Variants in PPP2R2B observed in about 807,000 individuals in gnomAD.
PPP2R2B encodes serine/threonine-protein phosphatase 2A 55 kDa regulatory subunit B beta isoform.
PPP2R2B carries 5 observed loss-of-function variants against 46.0 expected under a neutral mutation model. The ratio of observed to expected loss-of-function variants is 0.11; its 90% confidence interval spans 0.06 to 0.23. The LOEUF (loss-of-function observed/expected upper bound fraction) is 0.23. Among genes scored for constraint, PPP2R2B ranks in the 10% least tolerant of loss-of-function variants. The probability of loss-of-function intolerance (pLI) is 1.00; values close to 1 mark genes in which losing one functional copy is unlikely to be tolerated. For synonymous variants in PPP2R2B, 215 were observed against 206.7 expected (o/e 1.04, Z -0.34); for missense variants, 367 against 575.0 (o/e 0.64, Z 3.70).
At chr5:146,892,218 G>A (rs1254191953) in intron 1 of PPP2R2B, among the ~76,000 whole-genome samples, 1 of 152,184 alleles carries the variant, frequency 6.6e-6, no homozygotes. Flanking sequence ...AAGAGCAAAG[G>A]TCAATTCTGC....
intron 2 of PPP2R2B, among the ~76,000 whole-genome samples, chr5:146,849,948 A>G (rs1358330774): frequency 6.6e-6 from 1 of 152,192 alleles, no homozygotes; most frequent in African/African-American, 2.4e-5. Context: ...AGAAAAACCA[A>G]TCTCACACTT....
Position 146,896,839 on chromosome 5 carries a change from G to A in PPP2R2B, c.79+158826C>T, listed in dbSNP as rs1251725578. Among the ~76,000 whole-genome samples, 4 of 152,270 alleles carry A rather than the reference G, an allele frequency of 2.6e-5. No homozygotes were observed. In the South Asian group the frequency reaches 6.2e-4, roughly 24 times the overall value. On this transcript the variant is annotated intron_variant, in intron 1 of 8. Transcript: ENST00000336640. Reference sequence around the variant, plus strand: ...AGCTGTTTAGTATAATTGGGGAAAAGTGGAGGCTCAGACTGTCAAAAAAAG... The same window carrying A: ...AGCTGTTTAGTATAATTGGGGAAAAATGGAGGCTCAGACTGTCAAAAAAAG...
At chr5:146,671,441 C>T (rs967312745) in intron 5 of PPP2R2B, among the ~76,000 whole-genome samples, 1 of 152,142 alleles carries the variant, frequency 6.6e-6, no homozygotes, top group African/African-American at 2.4e-5. Flanking sequence ...ACACTGAAGG[C>T]CTCTGTCTCT....
intron 4 of PPP2R2B, among the ~76,000 whole-genome samples, chr5:146,695,679 T>C (rs554642262): frequency 1.3e-5 from 2 of 152,192 alleles, no homozygotes; most frequent in Admixed American, 6.5e-5. Context: ...CTAAGGAACA[T>C]GTGGCTGTTA....
In PPP2R2B at chr5:146,730,984, G is replaced by C. The variant is rs76336632; in HGVS notation, c.71-29842C>G. ...GCCTTCGAGGCTCACAGTGGAAAGG[G>C]TTAGAGAGGAAGATTCAGCCATGTA... On this transcript the variant is annotated intron_variant, in intron 2 of 9. Transcript: ENST00000394411. 1.7e-3 allele frequency among the ~76,000 whole-genome samples: 252 copies of C among 152,308 alleles called. 2 individuals are homozygous for C. The highest frequency in any genetic ancestry group is 5.9e-3 in the African/African-American group (244 of 41,556).
At chr5:146,862,236 C>T (rs1309352502) in intron 2 of PPP2R2B, among the ~76,000 whole-genome samples, 1 of 152,178 alleles carries the variant, frequency 6.6e-6, no homozygotes, top group East Asian at 1.9e-4. Context: ...TAACTGGCTG[C>T]TCTCCTAACT....
intron 2 of PPP2R2B, among the ~76,000 whole-genome samples, chr5:146,713,305 ATAGG>A (rs1188986397): frequency 6.6e-6 from 1 of 152,186 alleles, no homozygotes; most frequent in East Asian, 1.9e-4. Flanking sequence ...CAAGGGGTAA[ATAGG>A]TAGGAGAAAT....
chr5:146,979,096 A>G (rs1474106665), intron 1 of PPP2R2B, among the ~76,000 whole-genome samples: 3 of 152,118 alleles, frequency 2.0e-5, no homozygotes, highest in Non-Finnish European at 4.4e-5. Flanking sequence ...CTTCAGTAAC[A>G]TTGGTCTCCT....
chr5:146,606,382 G>A (rs1449912230), intron 7 of PPP2R2B, among the ~76,000 whole-genome samples: 1 of 152,214 alleles, frequency 6.6e-6, no homozygotes, highest in Non-Finnish European at 1.5e-5. Context: ...GTGACTAACA[G>A]TATAGGTGGT....
Position 146,920,287 on chromosome 5 carries a change from G to A in PPP2R2B, c.79+135378C>T, listed in dbSNP as rs548840555. Among the ~76,000 whole-genome samples the A allele has an allele frequency of 1.3e-4, 20 of 152,196 alleles. No homozygotes were observed. The East Asian group carries it at 3.1e-3, about 24-fold the overall frequency. ...GCTCCCGTAATAACTAGTGACATGG[G>A]CTCTACACCCTGCCTGGCACAGGCT... On this transcript the variant is annotated intron_variant, in intron 1 of 8. Transcript: ENST00000336640.
intron 7 of PPP2R2B, among the ~76,000 whole-genome samples, chr5:146,620,560 C>A (rs1206692970): frequency 6.6e-6 from 1 of 152,132 alleles, no homozygotes; most frequent in Non-Finnish European, 1.5e-5. Flanking sequence ...GTCTTTCACT[C>A]TCTGCAAGGT....
chr5:146,678,232 C>T lies in PPP2R2B; in HGVS notation c.447+12896G>A, dbSNP rs372466920. On this transcript the variant is annotated intron_variant, in intron 5 of 9. Transcript: ENST00000394411. ...CTTCATCCCTGGGATGCAAGGCTGG[C>T]TCAATATACGCAAATCAATAAATGT... Among the ~76,000 whole-genome samples the T allele has an allele frequency of 2.6e-3, 390 of 152,006 alleles. 2 individuals are homozygous for T. The highest frequency in any genetic ancestry group is 0.023 in the East Asian group (120 of 5,172).
chr5:146,997,368 G>C (rs529550980), intron 1 of PPP2R2B, among the ~76,000 whole-genome samples: 26 of 152,308 alleles, frequency 1.7e-4, no homozygotes, highest in Admixed American at 5.2e-4. Context: ...GTATGAATGA[G>C]GGAATCCAAC....
Position 146,692,622 on chromosome 5 carries a change from C to G in PPP2R2B, c.335-1382G>C, listed in dbSNP as rs374959691. Among the ~76,000 whole-genome samples the G allele has an allele frequency of 4.8e-4, 73 of 150,970 alleles. No homozygotes were observed. The South Asian group carries it at 0.015, about 30-fold the overall frequency. On this transcript the variant is annotated intron_variant, in intron 4 of 9. Transcript: ENST00000394411. ...AATCTCAGCTCACTGCAAGCTCTGC[C>G]TCCTGGGTTCATGACATTCTCCTAC...
intron 6 of PPP2R2B, among the ~76,000 whole-genome samples, chr5:146,641,127 C>G (rs1775179091): frequency 6.6e-6 from 1 of 152,172 alleles, no homozygotes; most frequent in African/African-American, 2.4e-5. Flanking sequence ...CCTGTGCTAA[C>G]ACTTTCCATG....
chr5:146,654,773 C>T (rs1025692277), intron 5 of PPP2R2B, among the ~76,000 whole-genome samples: 7 of 152,150 alleles, frequency 4.6e-5, no homozygotes, highest in East Asian at 1.9e-4. Context: ...CCATGGTCAC[C>T]CTTCCGGGGT....
Position 146,862,045 on chromosome 5 carries a change from A to G in PPP2R2B, c.70+15957T>C, listed in dbSNP as rs139409485. Among the ~76,000 whole-genome samples, 258 of 152,328 alleles carry G rather than the reference A, an allele frequency of 1.7e-3. 1 individual carries two copies. The highest frequency in any genetic ancestry group is 5.4e-3 in the African/African-American group (223 of 41,578). On this transcript the variant is annotated intron_variant, in intron 2 of 9. Coordinates refer to ENST00000394411, the MANE Select transcript of PPP2R2B (RefSeq NM_181675.4). ...ACACACGCATAAACACGAGTGAATG[A>G]AAGAATAAATAATCTATTATGATCT... is the stretch of plus-strand genomic sequence containing the variant.
intron 2 of PPP2R2B, among the ~76,000 whole-genome samples, chr5:146,734,258 C>T (rs1752409306): frequency 1.3e-5 from 2 of 151,958 alleles, no homozygotes; most frequent in African/African-American, 4.8e-5. Context: ...GGCCTCCCTA[C>T]ATTGCCCAGG....
intron 4 of PPP2R2B, among the ~76,000 whole-genome samples, chr5:146,696,350 C>T (rs1284407935): frequency 6.6e-6 from 1 of 152,140 alleles, no homozygotes; most frequent in Admixed American, 6.5e-5. Flanking sequence ...ATGATCTGCC[C>T]GCCTCGGCCT....
Sources: gnomAD v4.1 joint callset for allele counts (sites outside exome capture counted in the v4.1 genomes callset) on GRCh38, gnomAD v4.1.1 for gene constraint, MANE v1.5 for transcripts, NCBI Gene and HGNC (gene_info 2026-07-23, HGNC 2026-07-21) for gene names.